Variants in BICRAL observed in about 807,000 individuals in gnomAD.
BICRAL encodes the protein BRD4-interacting chromatin-remodeling complex-associated protein-like.
In BICRAL, 8 loss-of-function variants were observed where a neutral mutation model predicts 91.8. The ratio of observed to expected loss-of-function variants is 0.09; its 90% CI spans 0.05 to 0.16. The LOEUF is 0.16. BICRAL is among the 10% of genes least tolerant of loss of function. The pLI is 1.00. For synonymous variants in BICRAL, 445 were observed against 491.1 expected (o/e 0.91, Z 1.24); for missense variants, 1,038 against 1,310.9 (o/e 0.79, Z 3.21).
intron 1 of BICRAL, among the ~76,000 whole-genome samples, chr6:42,774,828 T>C (rs1762787321): frequency 8.5e-6 from 1 of 117,116 alleles, no homozygotes; most frequent in Non-Finnish European, 1.7e-5. Context: ...TCCACTCCCG[T>C]AGTTTTTTTT....
At chr6:42,771,388 T>G (rs565408122) in intron 1 of BICRAL, among the ~76,000 whole-genome samples, 24 of 152,088 alleles carry the variant, frequency 1.6e-4, no homozygotes, top group Middle Eastern at 6.8e-3. Context: ...TTTCTACTTT[T>G]CTCATTTGTT....
chr6:42,867,521 G>A lies in BICRAL; in HGVS notation c.*2075G>A, dbSNP rs899571998. On this transcript the variant is annotated 3_prime_UTR_variant, in exon 13 of 13. Coordinates refer to ENST00000314073, the MANE Select transcript of BICRAL (RefSeq NM_001393499.1). ...GATTTCATAGGCTTTTCTTCCCTTG[G>A]GGCTCATGCTCCCCTAATTCCTAGC... is the stretch of plus-strand genomic sequence containing the variant. 6.6e-6 allele frequency: 1 copy of A among 152,380 alleles called. No individual in the cohort carries two copies. Among genetic ancestry groups the A allele is most frequent in the African/African-American group, 2.4e-5 (1 of 41,348 alleles). The allele number at this position is 152,380 out of a possible 1,614,324, so 9.4% of individuals were successfully genotyped here.
intron 6 of BICRAL, among the ~76,000 whole-genome samples, chr6:42,840,682 G>A (rs897601637): frequency 5.3e-5 from 8 of 151,934 alleles, no homozygotes; most frequent in African/African-American, 1.7e-4. Context: ...GATTACAGGC[G>A]CCTGCCACCA....
chr6:42,828,662 T>C lies in BICRAL; in HGVS notation c.329T>C (p.Leu110Ser). 1 of 1,614,078 alleles carries C rather than the reference T, an allele frequency of 6.2e-7. No homozygotes were observed. ...DQPFDILQKSLQEANITEQTL... is the reference protein window; with the variant it reads ...DQPFDILQKSSQEANITEQTL... ...CCTTTCGACATTCTTCAGAAATCCT[T>C]GCAAGAGGCCAATATCACTGAACAG... The change falls in exon 6 of 13, where the codon TTG becomes TCG. Residue 110 changes from leucine (L) to serine (S), a missense_variant. By Grantham distance (145) the Leu-to-Ser change is moderately radical (BLOSUM62 -2). Transcript: ENST00000314073.
chr6:42,788,115 A>C (rs1023710486), intron 1 of BICRAL, among the ~76,000 whole-genome samples: 9 of 151,954 alleles, frequency 5.9e-5, no homozygotes, highest in Non-Finnish European at 1.2e-4. Context: ...GTAAAGAAGA[A>C]GGCTTTTCTT....
intron 6 of BICRAL, among the ~76,000 whole-genome samples, chr6:42,830,567 A>C (rs1212685298): frequency 2.6e-5 from 4 of 151,908 alleles, no homozygotes; most frequent in African/African-American, 9.7e-5. Flanking sequence ...TCAAAAAAAA[A>C]AAATTTTTTT....
intron 6 of BICRAL, among the ~76,000 whole-genome samples, chr6:42,833,911 A>G (rs373872327): frequency 3.3e-5 from 5 of 151,016 alleles, no homozygotes; most frequent in African/African-American, 7.3e-5. Context: ...CTGGAGTGCA[A>G]TGGTGCAATC....
intron 1 of BICRAL, among the ~76,000 whole-genome samples, chr6:42,799,064 T>C (rs1675995658): frequency 6.6e-6 from 1 of 152,122 alleles, no homozygotes; most frequent in African/African-American, 2.4e-5. Flanking sequence ...TGCCTGGAAA[T>C]TTTTTACCCA....
intron 1 of BICRAL, among the ~76,000 whole-genome samples, chr6:42,751,515 A>C (rs1160293781): frequency 6.6e-6 from 1 of 152,230 alleles, no homozygotes; most frequent in Non-Finnish European, 1.5e-5. Context: ...GCATTTAAGC[A>C]AAGGAAAACA....
chr6:42,770,418 T>TA (rs1562453052), intron 1 of BICRAL, among the ~76,000 whole-genome samples: 34 of 137,770 alleles, frequency 2.5e-4, no homozygotes, highest in South Asian at 9.0e-4. Flanking sequence ...TATTATTTTT[T>TA]TTTTTTTTTT....
At chr6:42,836,806 GA>G (rs1764649925) in intron 6 of BICRAL, among the ~76,000 whole-genome samples, 1 of 151,932 alleles carries the variant, frequency 6.6e-6, no homozygotes, top group African/African-American at 2.4e-5. Context: ...ATTTTTAGTA[GA>G]GATGGGATTT....
chr6:42,761,456 A>G (rs1762546770), intron 1 of BICRAL, among the ~76,000 whole-genome samples: 1 of 151,838 alleles, frequency 6.6e-6, no homozygotes, highest in African/African-American at 2.4e-5. Flanking sequence ...TAAATAAATT[A>G]ATTAATTAAT....
chr6:42,816,206 G>GAA lies in BICRAL; in HGVS notation c.-5-5801_-5-5800dup, dbSNP rs11369661. ...GACCTCGTCTCTACCAAAAAAAAAT[G>GAA]AAAAAAAAAAAAGTTCTAAGTATTT... On this transcript the variant is annotated intron_variant, in intron 2 of 12. Transcript: ENST00000314073. Among the ~76,000 whole-genome samples, 231 of 139,298 alleles carry GAA rather than the reference G, an allele frequency of 1.7e-3. 1 individual carries two copies. Among genetic ancestry groups the GAA allele is most frequent in the African/African-American group, 5.6e-3 (216 of 38,508 alleles). The allele number at this position is 139,298 out of a possible 152,430, so 91.4% of individuals were successfully genotyped here.
At chr6:42,749,203 G>C (rs1762337106) in intron 1 of BICRAL, among the ~76,000 whole-genome samples, 1 of 152,094 alleles carries the variant, frequency 6.6e-6, no homozygotes, top group Admixed American at 6.6e-5. Context: ...ACATGGAGAG[G>C]GTATTAGAAT....
At chr6:42,812,256 T>A (rs1310060220) in intron 2 of BICRAL, among the ~76,000 whole-genome samples, 1 of 152,056 alleles carries the variant, frequency 6.6e-6, no homozygotes, top group Non-Finnish European at 1.5e-5. Flanking sequence ...GCCAGGAGTA[T>A]GAGACCAGCC....
Position 42,857,136 on chromosome 6 carries a change from A to G in BICRAL, c.2154A>G (p.Pro718=). 6.2e-7 allele frequency: 1 copy of G among 1,613,746 alleles called. No individual in the cohort carries two copies. Among genetic ancestry groups the G allele is most frequent in the Middle Eastern group, 1.6e-4 (1 of 6,062 alleles). The part of the protein sequence containing the change: ...LQRDQAHTVT[P]DKSHFRSLSD... ...GGGACCAAGCCCACACTGTGACACC[A>G]GACAAAAGTCACTTCCGATCACTAA... The change falls in exon 10 of 13, where the codon CCA becomes CCG. Residue 718 remains proline, a synonymous_variant. Transcript: ENST00000314073.
At chr6:42,816,093 T>A (rs1763986688) in intron 2 of BICRAL, among the ~76,000 whole-genome samples, 1 of 150,808 alleles carries the variant, frequency 6.6e-6, no homozygotes, top group Non-Finnish European at 1.5e-5. Flanking sequence ...GGGCTGGGCA[T>A]GGTAATTGTA....
intron 6 of BICRAL, among the ~76,000 whole-genome samples, chr6:42,835,675 G>A (rs535164930): frequency 6.6e-6 from 1 of 152,272 alleles, no homozygotes; most frequent in East Asian, 1.9e-4. Flanking sequence ...TCTCATGCCT[G>A]TAATCCCAGT....
At chr6:42,846,061 C>CAA (rs386406871) in intron 6 of BICRAL, among the ~76,000 whole-genome samples, 26,372 of 80,302 alleles carry the variant, frequency 0.33, 4,019 homozygotes, top group South Asian at 0.49. Context: ...GACTCCATCT[C>CAA]AAAAAAAAAA....
Sources: allele counts gnomAD v4.1 joint callset (sites outside exome capture counted in the v4.1 genomes callset), GRCh38; gene constraint gnomAD v4.1.1; transcripts MANE v1.5; gene names NCBI Gene and HGNC (gene_info 2026-07-23, HGNC 2026-07-21).